PLCE1: variants seen among roughly 807,000 people sequenced by gnomAD.
PLCE1 encodes the protein phospholipase C epsilon 1.
PLCE1 carries 119 observed loss-of-function variants against 242.8 expected under a neutral mutation model. The ratio of observed to expected loss-of-function variants is 0.49; its 90% CI spans 0.42 to 0.57. PLCE1 has a LOEUF of 0.57. Ranked by LOEUF, PLCE1 falls within the 20% of genes least tolerant of loss-of-function variation. The probability of loss-of-function intolerance (pLI) is 0.00; values close to 1 mark genes in which losing one functional copy is unlikely to be tolerated. For synonymous variants in PLCE1, 945 were observed against 1,017.4 expected, an observed-to-expected ratio of 0.93 and a Z score of 1.35; for missense variants, 2,441 against 2,788.8, an observed-to-expected ratio of 0.88 and a Z score of 2.81.
chr10:94,157,399 G>C (rs980047762), intron 3 of PLCE1, among the ~76,000 whole-genome samples: 3 of 152,150 alleles, frequency 2.0e-5, no homozygotes, highest in African/African-American at 7.2e-5. Context: ...ACCCATAGTT[G>C]TTTAGAACAT....
In PLCE1 at chr10:94,141,612, GA is replaced by G; in HGVS notation, c.1492+9154del. On this transcript the variant is annotated intron_variant, in intron 3 of 32. Coordinates refer to ENST00000371380, the MANE Select transcript of PLCE1 (RefSeq NM_016341.4). ...AAGGCTAAGGGAAGGCAAAGGGAAG[GA>G]GAAAGGAAGGCAGAAGGAGGAAAGA... Among the ~76,000 whole-genome samples the G allele has an allele frequency of 9.4e-3, 5 of 532 alleles. 1 individual carries two copies. The East Asian group carries it at 0.11, about 11-fold the overall frequency. 0.3% of individuals were successfully genotyped at this position (532 alleles called of 152,430 possible). A position where few individuals can be genotyped will look rare whatever the true frequency, so the allele number is the denominator to read the frequency against.
intron 1 of PLCE1, among the ~76,000 whole-genome samples, chr10:94,025,761 A>T (rs2061443921): frequency 6.6e-6 from 1 of 152,150 alleles, no homozygotes; most frequent in Non-Finnish European, 1.5e-5. Context: ...AGAATATGAG[A>T]TGAGCCCATT....
chr10:94,253,000 A>G (rs191123497), intron 9 of PLCE1, among the ~76,000 whole-genome samples: 5 of 152,352 alleles, frequency 3.3e-5, no homozygotes, highest in Admixed American at 1.3e-4. Context: ...GAAGGGCTAG[A>G]AGAGAACAGA....
intron 29 of PLCE1, 82 bp from the exon 30 acceptor site, chr10:94,321,819 A>G: frequency 9.9e-7 from 1 of 1,012,270 alleles, no homozygotes; most frequent in Non-Finnish European, 1.5e-6. Context: ...ACCAAGATAC[A>G]AGCTCAGATT....
At chr10:94,116,627 A>G (rs2046138846) in intron 2 of PLCE1, among the ~76,000 whole-genome samples, 1 of 152,192 alleles carries the variant, frequency 6.6e-6, no homozygotes, top group Non-Finnish European at 1.5e-5. Context: ...CCTGGGAGGC[A>G]GAAGTTGCAA....
At chr10:94,217,308 G>T (rs2049562501) in intron 4 of PLCE1, among the ~76,000 whole-genome samples, 1 of 152,052 alleles carries the variant, frequency 6.6e-6, no homozygotes. Context: ...TGAAAATTAT[G>T]CAAAGAGGAA....
At chr10:94,081,885 C>T (rs1215579072) in intron 2 of PLCE1, 3 of 152,178 alleles carry the variant, frequency 2.0e-5, no homozygotes, top group Non-Finnish European at 2.9e-5. Context: ...TCCCTTTCCA[C>T]CTTGCCTGCT....
chr10:94,261,948 A>G (rs573372626), intron 13 of PLCE1, among the ~76,000 whole-genome samples: 2 of 151,876 alleles, frequency 1.3e-5, no homozygotes, highest in African/African-American at 4.8e-5. Flanking sequence ...TTTAGTTGCC[A>G]TGTAATACCA....
At chr10:94,187,315 A>G (rs1480140841) in intron 4 of PLCE1, among the ~76,000 whole-genome samples, 1 of 152,150 alleles carries the variant, frequency 6.6e-6, no homozygotes, top group Non-Finnish European at 1.5e-5. Context: ...AGGGCAGGGC[A>G]GTATCTCCCA....
intron 4 of PLCE1, among the ~76,000 whole-genome samples, chr10:94,218,304 A>T (rs2049599955): frequency 6.6e-6 from 1 of 152,138 alleles, no homozygotes; most frequent in Non-Finnish European, 1.5e-5. Context: ...TAACCAGATG[A>T]CATCTTAGTG....
intron 3 of PLCE1, among the ~76,000 whole-genome samples, chr10:94,133,882 T>C (rs1564719565): frequency 6.6e-6 from 1 of 152,146 alleles, no homozygotes; most frequent in Non-Finnish European, 1.5e-5. Flanking sequence ...GGTAAGCTGT[T>C]TTCCCTACAC....
At chr10:94,206,511 T>A (rs773160924) in intron 4 of PLCE1, among the ~76,000 whole-genome samples, 1 of 152,260 alleles carries the variant, frequency 6.6e-6, no homozygotes, top group South Asian at 2.1e-4. Context: ...CCAGTTGATA[T>A]GCGTAGCCAT....
At chr10:94,079,762 G>C (rs374989627) in intron 2 of PLCE1, among the ~76,000 whole-genome samples, 4 of 152,190 alleles carry the variant, frequency 2.6e-5, no homozygotes, top group Non-Finnish European at 4.4e-5. Flanking sequence ...GCCTGGGGTA[G>C]AGTCCAGGAA....
chr10:94,301,366 T>A (rs7914997), intron 24 of PLCE1, among the ~76,000 whole-genome samples: 28,437 of 151,042 alleles, frequency 0.19, 2,839 homozygotes, highest in Middle Eastern at 0.31. Flanking sequence ...AAAAAGAAAA[T>A]TATATATATA....
Position 94,298,313 on chromosome 10 carries a change from G to T in PLCE1, c.5168-66G>T. Reference sequence around the variant, plus strand: ...GACTGTTTACTGGGATGTTGTTCAGGTTTATCTTTCTAAAATATTTAAAGT... The same window carrying T: ...GACTGTTTACTGGGATGTTGTTCAGTTTTATCTTTCTAAAATATTTAAAGT... On this transcript the variant is annotated intron_variant, in intron 23 of 32. Transcript: ENST00000371380. The surrounding 1 kb of genome is among the most constrained non-coding windows in gnomAD (Gnocchi z 5.2). 7.0e-7 allele frequency: 1 copy of T among 1,432,986 alleles called. No individual in the cohort carries two copies. The highest frequency in any genetic ancestry group is 9.8e-7 in the Non-Finnish European group (1 of 1,016,684). 88.8% of individuals were successfully genotyped at this position (1,432,986 alleles called of 1,614,324 possible).
chr10:94,041,042 A>G (rs2061756816), intron 2 of PLCE1, among the ~76,000 whole-genome samples: 1 of 152,028 alleles, frequency 6.6e-6, no homozygotes, highest in Non-Finnish European at 1.5e-5. Flanking sequence ...CTTTACATGA[A>G]ACCTTTGCCT....
intron 16 of PLCE1, among the ~76,000 whole-genome samples, chr10:94,266,945 GC>G (rs1170584064): frequency 6.6e-6 from 1 of 152,176 alleles, no homozygotes; most frequent in Non-Finnish European, 1.5e-5. Flanking sequence ...TGGGGCCTCA[GC>G]CCCCCACACT....
chr10:94,013,427 A>G (rs958107910), intron 1 of PLCE1, among the ~76,000 whole-genome samples: 7 of 152,228 alleles, frequency 4.6e-5, no homozygotes, highest in African/African-American at 1.7e-4. Flanking sequence ...CATGTATGTG[A>G]TACCTTTCCT....
chr10:94,122,463 G>A (rs537736429), intron 2 of PLCE1, among the ~76,000 whole-genome samples: 2 of 152,262 alleles, frequency 1.3e-5, no homozygotes, highest in South Asian at 2.1e-4. Context: ...TATCTCAGAC[G>A]TGATTCATCT....
Sources: allele counts gnomAD v4.1 joint callset (sites outside exome capture counted in the v4.1 genomes callset), GRCh38; gene constraint gnomAD v4.1.1; non-coding constraint Gnocchi (gnomAD v3.1); transcripts MANE v1.5; gene names NCBI Gene and HGNC (gene_info 2026-07-23, HGNC 2026-07-21).